Variants in SLC7A5 observed in about 807,000 individuals in gnomAD.
SLC7A5 encodes solute carrier family 7 member 5.
A neutral mutation model predicts 50.2 loss-of-function variants in SLC7A5; 23 were observed. That is an observed-to-expected ratio of 0.46 (90% CI 0.33 to 0.65). The LOEUF (loss-of-function observed/expected upper bound fraction) is 0.65. Among genes scored for constraint, SLC7A5 ranks in the 30% least tolerant of loss-of-function variants. The probability of loss-of-function intolerance (pLI) is 0.02; values close to 1 mark genes in which losing one functional copy is unlikely to be tolerated. For missense variants in SLC7A5, 578 were observed against 684.4 expected, an observed-to-expected ratio of 0.84 and a Z score of 1.73; for synonymous variants, 393 against 330.6, an observed-to-expected ratio of 1.19 and a Z score of -2.05.
chr16:87,866,843 C>T (rs994103059), intron 1 of SLC7A5, among the ~76,000 whole-genome samples: 6 of 152,116 alleles, frequency 3.9e-5, no homozygotes, highest in Non-Finnish European at 7.3e-5. Flanking sequence ...TAGGCAGCGC[C>T]CCATCCTACG....
chr16:87,843,995 TCATCCAGCAGC>T (rs1427481060), intron 2 of SLC7A5, among the ~76,000 whole-genome samples: 2 of 150,898 alleles, frequency 1.3e-5, no homozygotes, highest in Non-Finnish European at 2.9e-5. Flanking sequence ...AGCGGCCCAC[TCATCCAGCAGC>T]CACCCAGCCT....
rs774431087 is a variant in SLC7A5 at position 87,869,312 on chromosome 16, C to A, written c.111G>T (p.Pro37=). 6.2e-7 allele frequency: 1 copy of A among 1,610,864 alleles called. No homozygotes were observed. The highest frequency in any genetic ancestry group is 8.5e-7 in the Non-Finnish European group (1 of 1,179,536). The part of the protein sequence containing the change: ...LAAKSADGSA[P]AGEGEGVTLQ... ...GGGTCACGCCCTCGCCCTCGCCTGC[C>A]GGCGCCGAGCCGTCCGCGCTCTTGG... Residue 37 remains proline, a synonymous_variant, in exon 1 of 10, where the codon CCG becomes CCT. Coordinates refer to ENST00000261622, the MANE Select transcript of SLC7A5 (RefSeq NM_003486.7).
rs2055408291 is a variant in SLC7A5 at position 87,862,227 on chromosome 16, GT to G, written c.538+6657del. Among the ~76,000 whole-genome samples, 1 of 152,268 alleles carries G rather than the reference GT, an allele frequency of 6.6e-6. No homozygotes were observed. The highest frequency in any genetic ancestry group is 2.4e-5 in the African/African-American group (1 of 41,530). ...GCTGGATACCCCAGCGGTTGGGGGGGTGGTGCTGGACACCCAGGGGGCAGAT... is the reference window on the plus strand; with the variant it reads ...GCTGGATACCCCAGCGGTTGGGGGGGGGTGCTGGACACCCAGGGGGCAGAT... On this transcript the variant is annotated intron_variant, in intron 1 of 9. Coordinates refer to ENST00000261622, the MANE Select transcript of SLC7A5 (RefSeq NM_003486.7). The surrounding 1 kb of genome is among the most constrained non-coding windows in gnomAD (Gnocchi z 5.3).
At chr16:87,863,986 A>ATATAT (rs2055429223) in intron 1 of SLC7A5, among the ~76,000 whole-genome samples, 2 of 83,278 alleles carry the variant, frequency 2.4e-5, no homozygotes, top group African/African-American at 7.8e-5. Flanking sequence ...ATCATTTAAA[A>ATATAT]ATATATATAT....
rs1177693007 is a variant in SLC7A5 at position 87,834,459 on chromosome 16, C to G, written c.1423G>C (p.Gly475Arg). The change falls in exon 9 of 10, where the codon GGG becomes CGG. Residue 475 changes from glycine (G) to arginine (R), a missense_variant. Gly to Arg is a moderately radical substitution (Grantham distance 125, BLOSUM62 -2). Coordinates refer to ENST00000261622, the MANE Select transcript of SLC7A5 (RefSeq NM_003486.7). The part of the protein sequence containing the change: ...ILSGLPVYFF[G>R]VWWKNKPKWL... ...TTGGGCTTGTTTTTCCACCAGACCCCGAAGAAGTAGACGGGCAGCCCGCTG... is the reference window on the plus strand; with the variant it reads ...TTGGGCTTGTTTTTCCACCAGACCCGGAAGAAGTAGACGGGCAGCCCGCTG... The G allele has an allele frequency of 1.3e-6, 2 of 1,563,936 alleles. No homozygotes were observed. Among genetic ancestry groups the G allele is most frequent in the Non-Finnish European group, 1.7e-6 (2 of 1,154,184 alleles).
rs183184939 is a variant in SLC7A5 at position 87,833,424 on chromosome 16, G to A, written c.1469-399C>T. ...TGGACTGTTCACAGCAGGCAGGGCCGGAGGGGCCAATCTGCTAACGGGTCC... is the reference window on the plus strand; with the variant it reads ...TGGACTGTTCACAGCAGGCAGGGCCAGAGGGGCCAATCTGCTAACGGGTCC... On this transcript the variant is annotated intron_variant, in intron 9 of 9. Coordinates refer to ENST00000261622, the MANE Select transcript of SLC7A5 (RefSeq NM_003486.7). The surrounding 1 kb of genome is among the most constrained non-coding windows in gnomAD (Gnocchi z 6.0). 3.4e-4 allele frequency among the ~76,000 whole-genome samples: 52 copies of A among 152,360 alleles called. No homozygotes were observed. Among genetic ancestry groups the A allele is most frequent in the East Asian group, 2.7e-3 (14 of 5,188 alleles).
At chr16:87,838,896 C>G in intron 5 of SLC7A5, 79 bp from the exon 6 acceptor site, 1 of 1,023,430 alleles carries the variant, frequency 9.8e-7, no homozygotes, top group Non-Finnish European at 1.5e-6. Context: ...GCCCTCTGCA[C>G]CGGGCCAGCC....
In SLC7A5 at chr16:87,841,713, G is replaced by GGCAGGGGCAGGA. The variant is rs2055085251; in HGVS notation, c.665-570_665-559dup. On this transcript the variant is annotated intron_variant, in intron 2 of 9. Coordinates refer to ENST00000261622, the MANE Select transcript of SLC7A5 (RefSeq NM_003486.7). The surrounding 1 kb of genome is among the most constrained non-coding windows in gnomAD (Gnocchi z 4.8). ...TGAGTGTGTGGCCAGCTGCAGCCGGGGCAGGGGCAGGAGCAGGGCTGCCAG... is the reference window on the plus strand; with the variant it reads ...TGAGTGTGTGGCCAGCTGCAGCCGGGGCAGGGGCAGGAGCAGGGGCAGGAGCAGGGCTGCCAG... Among the ~76,000 whole-genome samples the GGCAGGGGCAGGA allele has an allele frequency of 6.6e-6, 1 of 152,192 alleles. No homozygotes were observed. The highest frequency in any genetic ancestry group is 1.5e-5 in the Non-Finnish European group (1 of 68,028).
At chr16:87,858,753 G>C (rs954720284) in intron 1 of SLC7A5, among the ~76,000 whole-genome samples, 1 of 152,162 alleles carries the variant, frequency 6.6e-6, no homozygotes, top group Admixed American at 6.5e-5. Context: ...GTCCAAGCCA[G>C]TCCAACTCAA....
intron 1 of SLC7A5, 120 bp downstream of exon 1, chr16:87,868,765 G>A: frequency 9.2e-7 from 1 of 1,083,172 alleles, no homozygotes; most frequent in South Asian, 1.3e-5. Context: ...GCCTAGAACT[G>A]CCGGGATGGT....
chr16:87,836,662 C>T lies in SLC7A5; in HGVS notation c.1141-15G>A, dbSNP rs191224193. 8.3e-4 allele frequency: 1,340 copies of T among 1,610,310 alleles called. 1 individual carries two copies. The highest frequency in any genetic ancestry group is 1.1e-3 in the Non-Finnish European group (1,268 of 1,179,902). ...GTCATCACACACTGGAAGAGAGAGG[C>T]GGCTGGCTGAGCCCTGGGGCCCACG... On this transcript the variant is annotated splice_polypyrimidine_tract_variant and intron_variant, in intron 7 of 9. Coordinates refer to ENST00000261622, the MANE Select transcript of SLC7A5 (RefSeq NM_003486.7).
chr16:87,868,873 C>A lies in SLC7A5; in HGVS notation c.538+12G>T. Reference sequence around the variant, plus strand: ...ACGACCTCCCAACCCCCGGCCCGCGCCCCGTACTCACGCACGCAGAGGCAG... The same window carrying A: ...ACGACCTCCCAACCCCCGGCCCGCGACCCGTACTCACGCACGCAGAGGCAG... On this transcript the variant is annotated intron_variant, in intron 1 of 9. Transcript: ENST00000261622. 1 of 1,595,630 alleles carries A rather than the reference C, an allele frequency of 6.3e-7. No homozygotes were observed. The highest frequency in any genetic ancestry group is 8.5e-7 in the Non-Finnish European group (1 of 1,171,822).
At chr16:87,837,220 G>C (rs1039706053) in intron 7 of SLC7A5, among the ~76,000 whole-genome samples, 1 of 152,208 alleles carries the variant, frequency 6.6e-6, no homozygotes, top group Non-Finnish European at 1.5e-5. Flanking sequence ...ACTGGCTTTG[G>C]GGGAAGCAGC....
At position 87,833,423 on chromosome 16, in the gene SLC7A5, C is replaced by T. The variant is rs542645302; in HGVS notation, c.1469-398G>A. Among the ~76,000 whole-genome samples, 21 of 152,336 alleles carry T rather than the reference C, an allele frequency of 1.4e-4. No individual in the cohort carries two copies. Among genetic ancestry groups the T allele is most frequent in the Admixed American group, 9.1e-4 (14 of 15,304 alleles). On this transcript the variant is annotated intron_variant, in intron 9 of 9. Transcript: ENST00000261622. The surrounding 1 kb of genome is among the most constrained non-coding windows in gnomAD (Gnocchi z 6.0). ...CTGGACTGTTCACAGCAGGCAGGGC[C>T]GGAGGGGCCAATCTGCTAACGGGTC...
Position 87,832,263 on chromosome 16 carries a change from G to T in SLC7A5, c.*707C>A, listed in dbSNP as rs957086326. On this transcript the variant is annotated 3_prime_UTR_variant, in exon 10 of 10. Coordinates refer to ENST00000261622, the MANE Select transcript of SLC7A5 (RefSeq NM_003486.7). This position sits in a 1 kb window ranked among gnomAD's most constrained non-coding sequence, Gnocchi z 4.6. ...CCAGGCCTGGTGAGCTAGGGGAGAT[G>T]CCGGCACCCCCCAACCCTGGGGCTG... 6.6e-6 allele frequency: 1 copy of T among 152,302 alleles called. No homozygotes were observed. The highest frequency in any genetic ancestry group is 2.4e-5 in the African/African-American group (1 of 41,456). 9.4% of individuals were successfully genotyped at this position (152,302 alleles called of 1,614,324 possible). A position where few individuals can be genotyped will look rare whatever the true frequency, so the allele number is the denominator to read the frequency against.
chr16:87,868,882 C>G lies in SLC7A5; in HGVS notation c.538+3G>C. The G allele has an allele frequency of 6.2e-7, 1 of 1,603,842 alleles. No individual in the cohort carries two copies. The highest frequency in any genetic ancestry group is 8.5e-7 in the Non-Finnish European group (1 of 1,176,058). On this transcript the variant is annotated splice_donor_region_variant and intron_variant, in intron 1 of 9. Coordinates refer to ENST00000261622, the MANE Select transcript of SLC7A5 (RefSeq NM_003486.7). ...CAACCCCCGGCCCGCGCCCCGTACT[C>G]ACGCACGCAGAGGCAGGCCACGAGC...
At chr16:87,838,939 G>A (rs2055047506) in intron 5 of SLC7A5, 122 bp from the exon 6 acceptor site, 1 of 756,224 alleles carries the variant, frequency 1.3e-6, no homozygotes, top group Non-Finnish European at 2.4e-6. Flanking sequence ...GCCCTCTGCA[G>A]AGGACCTCTC....
Position 87,860,862 on chromosome 16 carries a change from G to A in SLC7A5, c.538+8023C>T, listed in dbSNP as rs1284132148. ...GGAGGGGCGGGCAATGCCAGAGAACGGTCCCCACCTGGGGTGGTCTGACGG... is the reference window on the plus strand; with the variant it reads ...GGAGGGGCGGGCAATGCCAGAGAACAGTCCCCACCTGGGGTGGTCTGACGG... On this transcript the variant is annotated intron_variant, in intron 1 of 9. Transcript: ENST00000261622. The surrounding 1 kb of genome is among the most constrained non-coding windows in gnomAD (Gnocchi z 4.8). Among the ~76,000 whole-genome samples, 1 of 152,158 alleles carries A rather than the reference G, an allele frequency of 6.6e-6. No homozygotes were observed. The highest frequency in any genetic ancestry group is 1.5e-5 in the Non-Finnish European group (1 of 68,020).
At chr16:87,844,329 G>A (rs530902914) in intron 2 of SLC7A5, among the ~76,000 whole-genome samples, 2 of 152,338 alleles carry the variant, frequency 1.3e-5, no homozygotes, top group South Asian at 4.1e-4. Context: ...GGATTCCCCC[G>A]AGAGCGGGGT....
Sources: gnomAD v4.1 joint callset for allele counts (sites outside exome capture counted in the v4.1 genomes callset) on GRCh38, gnomAD v4.1.1 for gene constraint, Gnocchi (gnomAD v3.1) non-coding constraint, MANE v1.5 for transcripts, NCBI Gene and HGNC (gene_info 2026-07-23, HGNC 2026-07-21) for gene names.